Variants in SFRP1 observed in about 807,000 individuals in gnomAD.
SFRP1 encodes the protein secreted frizzled related protein 1.
In SFRP1, 9 loss-of-function variants were observed where a neutral mutation model predicts 25.9. That is an observed-to-expected ratio of 0.35 (90% CI 0.21 to 0.61). SFRP1 has a LOEUF of 0.61. SFRP1 is among the 20% of genes least tolerant of loss of function. The pLI, the probability that SFRP1 is intolerant of heterozygous loss-of-function variation, is 0.78. For synonymous variants in SFRP1, 178 were observed against 174.0 expected (o/e 1.02, Z -0.18); for missense variants, 346 against 418.2 (o/e 0.83, Z 1.51).
chr8:41,276,125 T>TG (rs1331345224), intron 2 of SFRP1, among the ~76,000 whole-genome samples: 6 of 152,158 alleles, frequency 3.9e-5, no homozygotes, highest in Non-Finnish European at 8.8e-5. Context: ...ACCAGTCGCA[T>TG]GGGCCTGCTC....
intron 2 of SFRP1, among the ~76,000 whole-genome samples, chr8:41,278,852 GTT>G (rs1803601762): frequency 1.3e-5 from 2 of 152,308 alleles, no homozygotes; most frequent in South Asian, 4.1e-4. Context: ...CCCTGACAAA[GTT>G]AGTCCAATGC....
intron 2 of SFRP1, among the ~76,000 whole-genome samples, chr8:41,290,186 C>T (rs1803758053): frequency 6.6e-6 from 1 of 152,222 alleles, no homozygotes; most frequent in Non-Finnish European, 1.5e-5. Flanking sequence ...CCTTGTGTCC[C>T]CCAACTACAC....
At chr8:41,294,705 C>T (rs1407325364) in intron 2 of SFRP1, among the ~76,000 whole-genome samples, 4 of 152,200 alleles carry the variant, frequency 2.6e-5, no homozygotes, top group African/African-American at 9.7e-5. Context: ...CAAATAGCCT[C>T]AGCCCTCATG....
At chr8:41,298,576 T>C (rs1803872446) in intron 2 of SFRP1, among the ~76,000 whole-genome samples, 1 of 152,098 alleles carries the variant, frequency 6.6e-6, no homozygotes, top group Non-Finnish European at 1.5e-5. Flanking sequence ...CCAGTTAATA[T>C]TTAATTTTTA....
chr8:41,303,875 G>T (rs1176668469), intron 1 of SFRP1, among the ~76,000 whole-genome samples: 2 of 152,172 alleles, frequency 1.3e-5, no homozygotes, highest in East Asian at 3.8e-4. Flanking sequence ...AACCCACAGA[G>T]ATCTCTTCCT....
At chr8:41,267,342 G>A (rs1170073852) in intron 2 of SFRP1, among the ~76,000 whole-genome samples, 1 of 152,170 alleles carries the variant, frequency 6.6e-6, no homozygotes, top group East Asian at 1.9e-4. Context: ...AATGAGCGTG[G>A]ACATGCTCTA....
rs1040710862 is a variant in SFRP1, at chr8:41,265,159, C to A, written c.*8G>T. On this transcript the variant is annotated 3_prime_UTR_variant, in exon 3 of 3. Transcript: ENST00000220772. The stretch of plus-strand genomic sequence containing the variant: ...CGAGGCTCCCTCCCCACCCTGCCCC[C>A]GGGAGAATCACTTAAACACGGACTG... 2.6e-6 allele frequency: 4 copies of A among 1,544,902 alleles called. No individual in the cohort carries two copies. The African/African-American group carries it at 5.5e-5, about 21-fold the overall frequency.
intron 2 of SFRP1, among the ~76,000 whole-genome samples, chr8:41,303,052 T>TAAA (rs397891660): frequency 3.4e-4 from 34 of 101,180 alleles, no homozygotes; most frequent in African/African-American, 1.1e-3. Flanking sequence ...GGGTAGATGT[T>TAAA]AAAAAAAAAA....
At chr8:41,302,477 T>C (rs1803935519) in intron 2 of SFRP1, among the ~76,000 whole-genome samples, 1 of 152,210 alleles carries the variant, frequency 6.6e-6, no homozygotes. Context: ...TCACATCACC[T>C]ATCTTTACGC....
At chr8:41,285,565 C>G (rs1013089819) in intron 2 of SFRP1, among the ~76,000 whole-genome samples, 1 of 152,200 alleles carries the variant, frequency 6.6e-6, no homozygotes, top group African/African-American at 2.4e-5. Context: ...AGAAATGCGG[C>G]TGCAGTAAGG....
At chr8:41,285,585 C>T (rs1397692105) in intron 2 of SFRP1, among the ~76,000 whole-genome samples, 3 of 152,308 alleles carry the variant, frequency 2.0e-5, no homozygotes, top group Non-Finnish European at 4.4e-5. Context: ...GCAGGAAAGC[C>T]GGGAGCCAGG....
At position 41,265,420 on chromosome 8, in the gene SFRP1, T is replaced by C. The variant is rs151006069; in HGVS notation, c.692A>G (p.Lys231Arg). 2.0e-5 allele frequency: 32 copies of C among 1,612,662 alleles called. No homozygotes were observed. In the East Asian group the frequency reaches 6.9e-4, roughly 35 times the overall value. Residue 231 changes from lysine (K) to arginine (R), a missense_variant, in exon 3 of 3, where the codon AAG becomes AGG. Coordinates refer to ENST00000220772, the MANE Select transcript of SFRP1 (RefSeq NM_003012.5). ...GDKKIVPKKKKPLKLGPIKKK... is the reference protein window; with the variant it reads ...GDKKIVPKKKRPLKLGPIKKK... The stretch of plus-strand genomic sequence containing the variant: ...CTTGATGGGCCCCAACTTCAGGGGC[T>C]TCTTCTTCTTGGGGACAATCTTCTT...
At chr8:41,307,007 A>G (rs949220931) in intron 1 of SFRP1, 17 of 1,449,792 alleles carry the variant, frequency 1.2e-5, no homozygotes, top group Non-Finnish European at 1.5e-5. Context: ...GGTCCCAGAA[A>G]GAGACCATCG....
chr8:41,272,632 T>A (rs1429022541), intron 2 of SFRP1, among the ~76,000 whole-genome samples: 1 of 152,322 alleles, frequency 6.6e-6, no homozygotes, highest in African/African-American at 2.4e-5. Flanking sequence ...GAATATTTTT[T>A]AAATTTTTTT....
intron 2 of SFRP1, among the ~76,000 whole-genome samples, chr8:41,277,491 C>T (rs983424476): frequency 2.0e-5 from 3 of 152,198 alleles, no homozygotes; most frequent in African/African-American, 7.2e-5. Context: ...AACTATCCCT[C>T]GCTCTGAGAG....
chr8:41,306,645 C>A, intron 1 of SFRP1: 1 of 1,522,036 alleles, frequency 6.6e-7, no homozygotes, highest in South Asian at 1.2e-5. Flanking sequence ...AAAACCAGTC[C>A]CAAGCCCCAC....
chr8:41,275,316 T>G lies in SFRP1; in HGVS notation c.623-9827A>C, dbSNP rs116823762. 414 of 344,246 alleles carry G rather than the reference T, an allele frequency of 1.2e-3. 1 individual carries two copies. Among genetic ancestry groups the G allele is most frequent in the African/African-American group, 9.5e-3 (373 of 39,414 alleles). 21.3% of individuals were successfully genotyped at this position (344,246 alleles called of 1,614,324 possible). ...CGGGGCAAGCAGTTGGATCCATTTT[T>G]TCCAAAAGGTGCTGTTAAAAAAAAA... On this transcript the variant is annotated intron_variant, in intron 2 of 2. Transcript: ENST00000220772.
At chr8:41,268,079 T>A (rs1288610143) in intron 2 of SFRP1, among the ~76,000 whole-genome samples, 1 of 152,264 alleles carries the variant, frequency 6.6e-6, no homozygotes, top group African/African-American at 2.4e-5. Context: ...AACTAATGCA[T>A]ACTCCAGCTG....
Position 41,265,097 on chromosome 8 carries a change from G to T in SFRP1, c.*70C>A. ...GCAGTGCGTGTGTGTGACCCACCGGGTTCCCGGGGCACTGTCCCCCCCGCT... is the reference window on the plus strand; with the variant it reads ...GCAGTGCGTGTGTGTGACCCACCGGTTTCCCGGGGCACTGTCCCCCCCGCT... On this transcript the variant is annotated 3_prime_UTR_variant, in exon 3 of 3. Coordinates refer to ENST00000220772, the MANE Select transcript of SFRP1 (RefSeq NM_003012.5). 8.7e-7 allele frequency: 1 copy of T among 1,155,322 alleles called. No individual in the cohort carries two copies. Among genetic ancestry groups the T allele is most frequent in the Non-Finnish European group, 1.2e-6 (1 of 821,512 alleles). The allele number at this position is 1,155,322 out of a possible 1,614,324, so 71.6% of individuals were successfully genotyped here.
Sources: allele counts gnomAD v4.1 joint callset (sites outside exome capture counted in the v4.1 genomes callset), GRCh38; gene constraint gnomAD v4.1.1; transcripts MANE v1.5; gene names NCBI Gene and HGNC (gene_info 2026-07-23, HGNC 2026-07-21).